The following TCP11L2 variants were observed in gnomAD, a reference collection of about 807,000 sequenced individuals.
TCP11L2 encodes t-complex 11 like 2.
Under a neutral mutation model 50.7 loss-of-function variants are expected in TCP11L2, and 39 were observed. The observed-to-expected ratio is 0.77, with a 90% CI of 0.60 to 1.01. TCP11L2 has a LOEUF of 1.01. TCP11L2 is among the 50% of genes least tolerant of loss of function. TCP11L2 has a pLI of 0.00. For synonymous variants in TCP11L2, 192 were observed against 219.3 expected (o/e 0.88, Z 1.10); for missense variants, 612 against 614.7 (o/e 1.00, Z 0.05).
In TCP11L2 at chr12:106,315,005, C is replaced by CAA. The variant is rs11450523; in HGVS notation, c.293+529_293+530dup. On this transcript the variant is annotated intron_variant, in intron 3 of 9. Coordinates refer to ENST00000299045, the MANE Select transcript of TCP11L2 (RefSeq NM_152772.3). Reference sequence around the variant, plus strand: ...TGGGTGACAGAGCAAGACCCTGTCTCAAAAAAAAAAAAAAAAAATTCCTGT... The same window carrying CAA: ...TGGGTGACAGAGCAAGACCCTGTCTCAAAAAAAAAAAAAAAAAAAATTCCTGT... Among the ~76,000 whole-genome samples, 328 of 125,956 alleles carry CAA rather than the reference C, an allele frequency of 2.6e-3. 1 individual carries two copies. Among genetic ancestry groups the CAA allele is most frequent in the Middle Eastern group, 8.1e-3 (2 of 248 alleles). The allele number at this position is 125,956 out of a possible 152,430, so 82.6% of individuals were successfully genotyped here. A position where few individuals can be genotyped will look rare whatever the true frequency, so the allele number is the denominator to read the frequency against.
intron 6 of TCP11L2, among the ~76,000 whole-genome samples, chr12:106,335,015 A>C (rs182008359): frequency 1.3e-5 from 2 of 152,182 alleles, no homozygotes; most frequent in East Asian, 3.9e-4. Context: ...TAACCTGGGG[A>C]CTGTCAATCT....
rs2034983165 is a variant in TCP11L2, at chr12:106,314,355, C to A, written c.158-3C>A. On this transcript the variant is annotated splice_polypyrimidine_tract_variant and splice_region_variant and intron_variant, in intron 2 of 9. Transcript: ENST00000299045. ...CATTAACTGGCTTTTGTTTTTCTTT[C>A]AGCAACAAGCCCTCCAAGGGTTGTA... The A allele has an allele frequency of 6.3e-7, 1 of 1,592,462 alleles. No homozygotes were observed. Among genetic ancestry groups the A allele is most frequent in the African/African-American group, 1.3e-5 (1 of 74,380 alleles).
At chr12:106,325,145 G>A (rs1182383424) in intron 6 of TCP11L2, 4 of 152,090 alleles carry the variant, frequency 2.6e-5, no homozygotes, top group African/African-American at 4.8e-5. Flanking sequence ...CCATTTTATG[G>A]GTGCGGAAAC....
intron 4 of TCP11L2, among the ~76,000 whole-genome samples, chr12:106,318,908 TTTTTTA>T (rs2035213746): frequency 6.7e-6 from 1 of 149,796 alleles, no homozygotes; most frequent in African/African-American, 2.5e-5. Flanking sequence ...TTTTTTTTTT[TTTTTTA>T]TTTTTTTTGA....
upstream of TCP11L2, among the ~76,000 whole-genome samples, chr12:106,298,214 T>C (rs994249139): frequency 1.3e-5 from 2 of 152,204 alleles, no homozygotes; most frequent in South Asian, 2.1e-4. Flanking sequence ...TATCTAAATC[T>C]ACCTTATCTT....
upstream of TCP11L2, among the ~76,000 whole-genome samples, chr12:106,302,397 GCCCCCGCTCAGCCCCCGCTCCC>G (rs1210912773): frequency 1.3e-4 from 9 of 66,874 alleles, no homozygotes; most frequent in East Asian, 3.2e-3. Context: ...CCCCCGCTCA[GCCCCCGCTCAGCCCCCGCTCCC>G]CCACTCGGCC....
intron 3 of TCP11L2, among the ~76,000 whole-genome samples, chr12:106,315,195 C>G (rs1009433170): frequency 6.6e-6 from 1 of 151,992 alleles, no homozygotes; most frequent in Non-Finnish European, 1.5e-5. Context: ...GAGATCGCAC[C>G]ACTGCACTAC....
chr12:106,298,725 G>A (rs1276681592), upstream of TCP11L2, among the ~76,000 whole-genome samples: 2 of 152,040 alleles, frequency 1.3e-5, no homozygotes, highest in Non-Finnish European at 2.9e-5. Context: ...GTTTTGCCAT[G>A]TTGGTCAGGC....
chr12:106,328,851 C>T (rs778985300), intron 6 of TCP11L2, among the ~76,000 whole-genome samples: 19 of 152,266 alleles, frequency 1.2e-4, no homozygotes, highest in South Asian at 2.1e-4. Flanking sequence ...TCCATTGTCA[C>T]GATGGTTGAT....
At chr12:106,344,592 A>T (rs568214087) in intron 9 of TCP11L2, among the ~76,000 whole-genome samples, 1 of 152,340 alleles carries the variant, frequency 6.6e-6, no homozygotes, top group South Asian at 2.1e-4. Context: ...AGACATTGGA[A>T]ACAAGTTCTA....
rs1316604742 is a variant in TCP11L2 at position 106,346,337 on chromosome 12, A to G, written c.1367A>G (p.Gln456Arg). Reference sequence around the variant, plus strand: ...AGGCTACTTTGTCTTCCAAGCCCTCAAAAATGCATGCCTCCTATGCCAGGA... The same window carrying G: ...AGGCTACTTTGTCTTCCAAGCCCTCGAAAATGCATGCCTCCTATGCCAGGA... ...MRRLLCLPSP[Q>R]KCMPPMPGGL... Residue 456 changes from glutamine to arginine, a missense_variant, in exon 10 of 10, where the codon CAA becomes CGA. Transcript: ENST00000299045. 6.2e-7 allele frequency: 1 copy of G among 1,614,042 alleles called. No homozygotes were observed. The highest frequency in any genetic ancestry group is 1.7e-5 in the Admixed American group (1 of 60,014).
intron 8 of TCP11L2, among the ~76,000 whole-genome samples, chr12:106,338,202 A>G (rs971056412): frequency 2.4e-4 from 37 of 152,046 alleles, no homozygotes; most frequent in African/African-American, 7.7e-4. Flanking sequence ...GTGTAGGGGC[A>G]CATGTACAGG....
chr12:106,316,280 G>T (rs1201959519), intron 3 of TCP11L2, among the ~76,000 whole-genome samples: 1 of 152,120 alleles, frequency 6.6e-6, no homozygotes, highest in Non-Finnish European at 1.5e-5. Flanking sequence ...TGTTTTTAAA[G>T]AATGAGCTAT....
chr12:106,329,423 T>C (rs1407037867), intron 6 of TCP11L2: 4 of 1,535,478 alleles, frequency 2.6e-6, no homozygotes, highest in African/African-American at 2.7e-5. Flanking sequence ...GTGAAGTCTC[T>C]GCCGATCCCT....
rs573449445 is a variant in TCP11L2 at position 106,326,721 on chromosome 12, G to A, written c.772+3075G>A. 2.5e-4 allele frequency among the ~76,000 whole-genome samples: 38 copies of A among 152,288 alleles called. 1 individual carries two copies. The highest frequency in any genetic ancestry group is 2.3e-3 in the South Asian group (11 of 4,826). ...CCCAGATGTGTCTCTGACTCAAAGC[G>A]TGTGCATTTAGATACTGTGCAACCC... On this transcript the variant is annotated intron_variant, in intron 6 of 9. Transcript: ENST00000299045.
rs2035332905 is a variant in TCP11L2 at position 106,321,515 on chromosome 12, C to CA, written c.446dup (p.Asn149LysfsTer9). Reference sequence around the variant, plus strand: ...TTCTCTCTTTTCTCACTCCCGGTGGCAACCGGCTTCGCAACCAAATCTGTG... The same window carrying CA: ...TTCTCTCTTTTCTCACTCCCGGTGGCAAACCGGCTTCGCAACCAAATCTGTG... On this transcript the variant is annotated frameshift_variant, in exon 5 of 10. Coordinates refer to ENST00000299045, the MANE Select transcript of TCP11L2 (RefSeq NM_152772.3). LOFTEE classifies it high-confidence loss of function. 1 of 1,614,048 alleles carries CA rather than the reference C, an allele frequency of 6.2e-7. No individual in the cohort carries two copies. The highest frequency in any genetic ancestry group is 8.5e-7 in the Non-Finnish European group (1 of 1,180,014).
chr12:106,315,409 C>A (rs1264771328), intron 3 of TCP11L2, among the ~76,000 whole-genome samples: 1 of 152,146 alleles, frequency 6.6e-6, no homozygotes, highest in Non-Finnish European at 1.5e-5. Flanking sequence ...TTGCTGCCTC[C>A]TTTTTGTTAA....
At chr12:106,314,558 TGTGTGTGTGTGTGTGTGTGAGAGAGAGA>T in intron 3 of TCP11L2, 65 bp downstream of exon 3, 1 of 924,154 alleles carries the variant, frequency 1.1e-6, no homozygotes. Flanking sequence ...TGTGTGTGTG[TGTGTGTGTGTGTGTGTGTGAGAGAGAGA>T]GAGAGAGAGA....
At position 106,346,746 on chromosome 12, in the gene TCP11L2, T is replaced by A. The variant is rs901358766; in HGVS notation, c.*216T>A. On this transcript the variant is annotated 3_prime_UTR_variant, in exon 10 of 10. Transcript: ENST00000299045. ...CACATAGACCCTATTTGTGCATCAT[T>A]TTCAAGTTTAAAACAAATATTTGTA... The A allele has an allele frequency of 3.0e-5, 14 of 473,216 alleles. No individual in the cohort carries two copies. The highest frequency in any genetic ancestry group is 4.7e-5 in the Non-Finnish European group (13 of 277,454). The allele number at this position is 473,216 out of a possible 1,614,324, so 29.3% of individuals were successfully genotyped here.
Sources: gnomAD v4.1 joint callset for allele counts (sites outside exome capture counted in the v4.1 genomes callset) on GRCh38, gnomAD v4.1.1 for gene constraint, MANE v1.5 for transcripts, NCBI Gene and HGNC (gene_info 2026-07-23, HGNC 2026-07-21) for gene names.